ANKRD33B: variants seen among roughly 807,000 people sequenced by gnomAD.
ANKRD33B encodes the protein ankyrin repeat domain 33B, also known as ankyrin repeat domain-containing protein 33B.
In ANKRD33B, 6 loss-of-function variants were observed where a neutral mutation model predicts 21.5. The ratio of observed to expected loss-of-function variants is 0.28; its 90% CI spans 0.15 to 0.55. The LOEUF is 0.55. Among genes scored for constraint, ANKRD33B ranks in the 20% least tolerant of loss-of-function variants. ANKRD33B has a pLI of 0.94. For synonymous variants in ANKRD33B, 347 were observed against 342.4 expected, an observed-to-expected ratio of 1.01 and a Z score of -0.15; for missense variants, 698 against 747.2, an observed-to-expected ratio of 0.93 and a Z score of 0.77.
rs1445784168 is a variant in ANKRD33B at position 10,622,797 on chromosome 5, TATTTTA to T, written c.496+4336_496+4341del. 2.0e-3 allele frequency among the ~76,000 whole-genome samples: 278 copies of T among 141,424 alleles called. 3 individuals are homozygous for T. Among genetic ancestry groups the T allele is most frequent in the African/African-American group, 4.9e-3 (184 of 37,408 alleles). 92.8% of individuals were successfully genotyped at this position (141,424 alleles called of 152,430 possible). A position where few individuals can be genotyped will look rare whatever the true frequency, so the allele number is the denominator to read the frequency against. On this transcript the variant is annotated intron_variant, in intron 2 of 3. Coordinates refer to ENST00000296657, the MANE Select transcript of ANKRD33B (RefSeq NM_001164440.2). ...CCAGGGTTGTTTTTTGTTTTTGCTT[TATTTTA>T]TTTTATTTTTTTTTTTTTCTGGCTT...
intron 1 of ANKRD33B, among the ~76,000 whole-genome samples, chr5:10,610,762 C>T (rs1419371842): frequency 6.6e-6 from 1 of 152,168 alleles, no homozygotes; most frequent in African/African-American, 2.4e-5. Context: ...TTAAATATAT[C>T]GCTTGGGCAC....
chr5:10,601,140 G>C (rs183807016), intron 1 of ANKRD33B, among the ~76,000 whole-genome samples: 3 of 152,144 alleles, frequency 2.0e-5, no homozygotes, highest in Non-Finnish European at 2.9e-5. Flanking sequence ...GGGTTGGGGG[G>C]CATATATTTA....
At chr5:10,595,399 C>A (rs564347680) in intron 1 of ANKRD33B, among the ~76,000 whole-genome samples, 1 of 152,320 alleles carries the variant, frequency 6.6e-6, no homozygotes, top group South Asian at 2.1e-4. Context: ...GCTGGGAATT[C>A]TGCGGTCTGT....
At chr5:10,585,084 C>T (rs896752670) in intron 1 of ANKRD33B, among the ~76,000 whole-genome samples, 8 of 152,256 alleles carry the variant, frequency 5.3e-5, no homozygotes, top group Admixed American at 3.3e-4. Context: ...GTGACCAGTG[C>T]TTTACTCACA....
intron 1 of ANKRD33B, among the ~76,000 whole-genome samples, chr5:10,595,701 G>T (rs1018368485): frequency 1.3e-5 from 2 of 152,178 alleles, no homozygotes; most frequent in Admixed American, 6.5e-5. Flanking sequence ...CTTAAGAGAC[G>T]AAATGAATCT....
At chr5:10,623,849 C>G (rs1736479167) in intron 2 of ANKRD33B, among the ~76,000 whole-genome samples, 1 of 152,214 alleles carries the variant, frequency 6.6e-6, no homozygotes, top group South Asian at 2.1e-4. Context: ...AGCCATTATC[C>G]TGCTTCCTCC....
rs1265294256 is a variant in ANKRD33B, at chr5:10,649,409, C to A, written c.781C>A (p.Pro261Thr). Residue 261 changes from proline (P) to threonine (T), a missense_variant, in exon 4 of 4, where the codon CCC becomes ACC. Physicochemically the swap from Pro to Thr is conservative, Grantham distance 38. Transcript: ENST00000296657. ...CPEQFWEKYR[P>T]ELPPPPEAAR... is the part of the protein sequence containing the mutation. ...GGAGCAGTTCTGGGAGAAGTACCGG[C>A]CCGAGCTGCCGCCGCCCCCTGAAGC... 1 of 1,535,466 alleles carries A rather than the reference C, an allele frequency of 6.5e-7. No individual in the cohort carries two copies. The highest frequency in any genetic ancestry group is 1.7e-4 in the Middle Eastern group (1 of 5,798).
chr5:10,610,606 G>A (rs1049244284), intron 1 of ANKRD33B, among the ~76,000 whole-genome samples: 7 of 152,372 alleles, frequency 4.6e-5, no homozygotes, highest in Middle Eastern at 3.4e-3. Context: ...GGATGAACAT[G>A]CAGAGACACT....
chr5:10,623,596 G>A (rs923231190), intron 2 of ANKRD33B, among the ~76,000 whole-genome samples: 7 of 152,340 alleles, frequency 4.6e-5, no homozygotes, highest in African/African-American at 1.7e-4. Context: ...CAGGAATTTC[G>A]GAGGACAGAA....
rs573664111 is a variant in ANKRD33B at position 10,583,853 on chromosome 5, T to G, written c.366+19020T>G. Among the ~76,000 whole-genome samples, 17 of 152,342 alleles carry G rather than the reference T, an allele frequency of 1.1e-4. No homozygotes were observed. The South Asian group carries it at 3.5e-3, about 32-fold the overall frequency. ...CTTCTCTCTTTGTGATTTGGAGTGT[T>G]TGTTGTTGTTTGAATCTTAACATTT... On this transcript the variant is annotated intron_variant, in intron 1 of 3. Transcript: ENST00000296657.
rs961505223 is a variant in ANKRD33B at position 10,571,785 on chromosome 5, A to G, written c.366+6952A>G. On this transcript the variant is annotated intron_variant, in intron 1 of 3. Coordinates refer to ENST00000296657, the MANE Select transcript of ANKRD33B (RefSeq NM_001164440.2). The stretch of plus-strand genomic sequence containing the variant: ...GATGGTGGTTCCCAGCTTGGACTGT[A>G]CATTAGAATCATCTGGAAAGGTCTA... Among the ~76,000 whole-genome samples the G allele has an allele frequency of 1.1e-4, 16 of 152,198 alleles. No individual in the cohort carries two copies. The South Asian group carries it at 1.2e-3, about 12-fold the overall frequency.
chr5:10,623,428 G>A (rs1736469122), intron 2 of ANKRD33B, among the ~76,000 whole-genome samples: 1 of 152,176 alleles, frequency 6.6e-6, no homozygotes. Context: ...GTCACAGATG[G>A]TGTCTTCATC....
At position 10,649,266 on chromosome 5, in the gene ANKRD33B, G is replaced by T. The variant is rs1737262277; in HGVS notation, c.638G>T (p.Gly213Val). The T allele has an allele frequency of 6.6e-7, 1 of 1,518,380 alleles. No homozygotes were observed. The highest frequency in any genetic ancestry group is 8.8e-7 in the Non-Finnish European group (1 of 1,134,672). The allele number at this position is 1,518,380 out of a possible 1,614,324, so 94.1% of individuals were successfully genotyped here. A position where few individuals can be genotyped will look rare whatever the true frequency, so the allele number is the denominator to read the frequency against. ...TCTGTTTGTGTTTTGCGTTTTGCAG[G>T]GGCGGATGTCCACGCGAGGGACCCC... ...TDCIRALMLA[G>V]ADVHARDPRR... Residue 213 changes from glycine to valine, a missense_variant and splice_region_variant, in exon 4 of 4, where the codon GGG (glycine) becomes GTG (valine). By Grantham distance (109) the Gly-to-Val change is moderately radical (BLOSUM62 -3). This residue lies in a region of ANKRD33B where 543 missense variants were observed against 566.5 expected (regional missense o/e 0.96). Transcript: ENST00000296657.
At chr5:10,637,904 C>T in intron 2 of ANKRD33B, 124 bp from the exon 3 acceptor site, 2 of 1,148,822 alleles carry the variant, frequency 1.7e-6, no homozygotes, top group Non-Finnish European at 2.4e-6. Context: ...GAGAAAAACT[C>T]ACACAGCAGA....
At chr5:10,615,849 C>G (rs1260744607) in intron 1 of ANKRD33B, among the ~76,000 whole-genome samples, 3 of 152,180 alleles carry the variant, frequency 2.0e-5, no homozygotes, top group Non-Finnish European at 1.5e-5. Flanking sequence ...AGTTTTCCGG[C>G]ACATTTATGC....
chr5:10,575,864 T>C (rs1735310441), intron 1 of ANKRD33B, among the ~76,000 whole-genome samples: 1 of 151,850 alleles, frequency 6.6e-6, no homozygotes, highest in African/African-American at 2.4e-5. Context: ...AGGGGAGAAG[T>C]GTTACCATAA....
chr5:10,617,582 T>A (rs1736313279), intron 1 of ANKRD33B, among the ~76,000 whole-genome samples: 1 of 152,054 alleles, frequency 6.6e-6, no homozygotes, highest in African/African-American at 2.4e-5. Context: ...GCCCCCTTCC[T>A]CCACCCCATT....
chr5:10,589,402 T>G (rs1735637100), intron 1 of ANKRD33B, among the ~76,000 whole-genome samples: 1 of 152,198 alleles, frequency 6.6e-6, no homozygotes, highest in African/African-American at 2.4e-5. Flanking sequence ...AGCCTCACCA[T>G]CTCACTTAAC....
chr5:10,577,914 G>T (rs1735360162), intron 1 of ANKRD33B, among the ~76,000 whole-genome samples: 1 of 152,194 alleles, frequency 6.6e-6, no homozygotes, highest in African/African-American at 2.4e-5. Flanking sequence ...CCATGCTTTG[G>T]AGGGTCCAGG....
Sources: allele counts gnomAD v4.1 joint callset (sites outside exome capture counted in the v4.1 genomes callset), GRCh38; gene constraint gnomAD v4.1.1; regional missense constraint gnomAD v4.1.1; transcripts MANE v1.5; gene names NCBI Gene and HGNC (gene_info 2026-07-23, HGNC 2026-07-21).